The following VNN2 variants were observed in gnomAD, a reference collection of about 807,000 sequenced individuals.
The protein encoded by VNN2 is pantetheine hydrolase VNN2.
In VNN2, 43 loss-of-function variants were observed where a neutral mutation model predicts 43.0. That is an observed-to-expected ratio of 1.00 (90% CI 0.78 to 1.29). The LOEUF is 1.29. Ranked by LOEUF, VNN2 falls within the 50% of genes most tolerant of loss-of-function variation. The probability of loss-of-function intolerance (pLI) is 0.00; values close to 1 mark genes in which losing one functional copy is unlikely to be tolerated. For missense variants in VNN2, 652 were observed against 619.7 expected, an observed-to-expected ratio of 1.05 and a Z score of -0.55; for synonymous variants, 230 against 224.3, an observed-to-expected ratio of 1.03 and a Z score of -0.23.
At chr6:132,756,622 C>G (rs1376665943) in intron 2 of VNN2, among the ~76,000 whole-genome samples, 1 of 152,088 alleles carries the variant, frequency 6.6e-6, no homozygotes, top group African/African-American at 2.4e-5. Flanking sequence ...TCTATTGGAC[C>G]CACCCTCTCA....
chr6:132,762,420 T>C (rs1722992087), upstream of VNN2, among the ~76,000 whole-genome samples: 2 of 152,190 alleles, frequency 1.3e-5, no homozygotes, highest in Non-Finnish European at 2.9e-5. Flanking sequence ...CAGGCTCCAG[T>C]GTTAAAACTG....
In VNN2 at chr6:132,744,115, G is replaced by C. The variant is rs1199825233; in HGVS notation, c.*185C>G. 1 of 497,806 alleles carries C rather than the reference G, an allele frequency of 2.0e-6. No individual in the cohort carries two copies. The highest frequency in any genetic ancestry group is 3.3e-6 in the Non-Finnish European group (1 of 299,554). The allele number at this position is 497,806 out of a possible 1,614,324, so 30.8% of individuals were successfully genotyped here. A position where few individuals can be genotyped will look rare whatever the true frequency, so the allele number is the denominator to read the frequency against. On this transcript the variant is annotated 3_prime_UTR_variant, in exon 7 of 7. Transcript: ENST00000326499. Reference sequence around the variant, plus strand: ...TTGTTCCACACTGCAACATTTCAGAGTAGCCAAAAAAATGGACAACATTAT... The same window carrying C: ...TTGTTCCACACTGCAACATTTCAGACTAGCCAAAAAAATGGACAACATTAT...
At chr6:132,757,316 T>C (rs573633653) in intron 2 of VNN2, 100 bp downstream of exon 2, 25 of 1,393,402 alleles carry the variant, frequency 1.8e-5, no homozygotes, top group Non-Finnish European at 1.5e-5. Flanking sequence ...CCATAACATA[T>C]ACCACATATA....
At chr6:132,746,519 A>G (rs1779728551) in intron 6 of VNN2, among the ~76,000 whole-genome samples, 1 of 151,194 alleles carries the variant, frequency 6.6e-6, no homozygotes, top group South Asian at 2.1e-4. Flanking sequence ...AAGAAGCACT[A>G]AAAAAACCAA....
chr6:132,753,097 A>G (rs761074644), intron 3 of VNN2: 4 of 205,126 alleles, frequency 2.0e-5, no homozygotes, highest in Non-Finnish European at 4.0e-5. Flanking sequence ...CCCAGGCTGG[A>G]GTGCAGTGGC....
At chr6:132,758,039 C>CTTCT (rs1488070973), upstream of VNN2, 239 of 164,874 alleles carry the variant, frequency 1.4e-3, 6 homozygotes, top group African/African-American at 6.3e-3. Flanking sequence ...TCTTCTTCTT[C>CTTCT]TTTTTTTTTT....
chr6:132,755,092 C>T (rs146298061), intron 3 of VNN2, among the ~76,000 whole-genome samples: 90 of 152,184 alleles, frequency 5.9e-4, no homozygotes, highest in African/African-American at 2.1e-3. Context: ...ATCACTAGAG[C>T]CCAGGAGTTT....
Position 132,751,173 on chromosome 6 carries a change from T to C in VNN2, c.1172A>G (p.His391Arg), listed in dbSNP as rs1479442288. The change falls in exon 5 of 7, where the codon CAT becomes CGT. Residue 391 changes from histidine (H) to arginine (R), a missense_variant. His to Arg is a conservative substitution (Grantham distance 29). Coordinates refer to ENST00000326499, the MANE Select transcript of VNN2 (RefSeq NM_004665.6). ...CCAGTACTCTCTTCTCCTTCGGCCA[T>C]GTAATCCTGTAAAAGCTCCTAGAAC... Reference protein sequence around the residue: ...VYVLGAFTGLHGRRRREYWQV... With the variant: ...VYVLGAFTGLRGRRRREYWQV... 6.2e-7 allele frequency: 1 copy of C among 1,610,342 alleles called. No individual in the cohort carries two copies. The highest frequency in any genetic ancestry group is 8.5e-7 in the Non-Finnish European group (1 of 1,178,424).
intron 4 of VNN2, 126 bp from the exon 5 acceptor site, chr6:132,751,644 T>A (rs989720621): frequency 3.6e-6 from 4 of 1,098,576 alleles, no homozygotes; most frequent in East Asian, 5.0e-5. Flanking sequence ...AGAGGATACA[T>A]GCTTCTAATT....
chr6:132,760,372 C>T (rs1311669610), upstream of VNN2, among the ~76,000 whole-genome samples: 1 of 152,078 alleles, frequency 6.6e-6, no homozygotes. Flanking sequence ...GAGGAAGTTT[C>T]ACCATGTTGC....
intron 6 of VNN2, among the ~76,000 whole-genome samples, chr6:132,746,311 C>T (rs1779713832): frequency 1.3e-5 from 2 of 152,196 alleles, no homozygotes; most frequent in South Asian, 4.1e-4. Flanking sequence ...GTTGAAATCT[C>T]TGCAATAGTG....
chr6:132,746,526 C>A (rs1306265924), intron 6 of VNN2, among the ~76,000 whole-genome samples: 9 of 149,938 alleles, frequency 6.0e-5, no homozygotes, highest in Non-Finnish European at 1.2e-4. Context: ...ACTAAAAAAA[C>A]CAAGAATGGG....
intron 5 of VNN2, among the ~76,000 whole-genome samples, chr6:132,750,515 T>TATATATATA (rs1359427541): frequency 1.0e-5 from 1 of 97,372 alleles, no homozygotes; most frequent in Non-Finnish European, 2.1e-5. Flanking sequence ...ATATATATAT[T>TATATATATA]TTTCCAGGTG....
rs1266239336 is a variant in VNN2 at position 132,743,977 on chromosome 6, A to G, written c.*323T>C. The G allele has an allele frequency of 5.6e-6, 1 of 179,898 alleles. No homozygotes were observed. The highest frequency in any genetic ancestry group is 1.6e-4 in the East Asian group (1 of 6,430). 11.1% of individuals were successfully genotyped at this position (179,898 alleles called of 1,614,324 possible). ...CAGCTATGTTTGCAATGGCCCTGAA[A>G]CTCCTCACTCCCATACATACAAGTC... On this transcript the variant is annotated 3_prime_UTR_variant, in exon 7 of 7. Transcript: ENST00000326499.
At chr6:132,758,704 C>T (rs961626371), upstream of VNN2, among the ~76,000 whole-genome samples, 1 of 150,106 alleles carries the variant, frequency 6.7e-6, no homozygotes. Flanking sequence ...TAACACAGGA[C>T]AATATTGATA....
intron 5 of VNN2, 29 bp from the exon 6 acceptor site, chr6:132,749,894 A>C (rs751367810): frequency 3.1e-6 from 5 of 1,594,900 alleles, no homozygotes; most frequent in Admixed American, 1.7e-5. Context: ...GATAAAACGC[A>C]ATGCCTTACA....
upstream of VNN2, among the ~76,000 whole-genome samples, chr6:132,762,801 AATC>A (rs1780768272): frequency 6.6e-6 from 1 of 152,222 alleles, no homozygotes; most frequent in Admixed American, 6.5e-5. Context: ...TGAAATTGCC[AATC>A]ATCACTGTTT....
upstream of VNN2, among the ~76,000 whole-genome samples, chr6:132,761,636 C>T (rs757425850): frequency 2.0e-5 from 3 of 151,940 alleles, no homozygotes; most frequent in Admixed American, 1.3e-4. Flanking sequence ...CTCCAGCCTG[C>T]GTGACAGAGT....
chr6:132,757,773 C>CA lies in VNN2; in HGVS notation c.110dup (p.Leu37PhefsTer4), dbSNP rs1438321558. Reference sequence around the variant, plus strand: ...AAACTGGTGTTTCTGTTTTATTTGGCAAAATGACAGCATGTTCATACACTG... The same window carrying CA: ...AAACTGGTGTTTCTGTTTTATTTGGCAAAAATGACAGCATGTTCATACACTG... On this transcript the variant is annotated frameshift_variant, in exon 1 of 7. Transcript: ENST00000326499. LOFTEE classifies it high-confidence loss of function. 1 of 1,613,938 alleles carries CA rather than the reference C, an allele frequency of 6.2e-7. No homozygotes were observed. Among genetic ancestry groups the CA allele is most frequent in the East Asian group, 2.2e-5 (1 of 44,898 alleles).
Sources: gnomAD v4.1 joint callset for allele counts (sites outside exome capture counted in the v4.1 genomes callset) on GRCh38, gnomAD v4.1.1 for gene constraint, MANE v1.5 for transcripts, NCBI Gene and HGNC (gene_info 2026-07-23, HGNC 2026-07-21) for gene names.